APOBEC3F: variants seen among roughly 807,000 people sequenced by gnomAD.
APOBEC3F encodes the protein apolipoprotein B mRNA editing enzyme catalytic subunit 3F.
APOBEC3F carries 34 observed loss-of-function variants against 45.8 expected under a neutral mutation model. The ratio of observed to expected loss-of-function variants is 0.74; its 90% CI spans 0.57 to 0.99. The LOEUF (loss-of-function observed/expected upper bound fraction) is 0.99, where lower values mean the gene tolerates loss of function less well. Ranked by LOEUF, APOBEC3F falls within the 50% of genes least tolerant of loss-of-function variation. The pLI is 0.00. For synonymous variants in APOBEC3F, 192 were observed against 174.4 expected, an observed-to-expected ratio of 1.10 and a Z score of -0.80; for missense variants, 459 against 474.1, an observed-to-expected ratio of 0.97 and a Z score of 0.30.
Position 39,054,374 on chromosome 22 carries a change from T to C in APOBEC3F, c.*1679T>C, listed in dbSNP as rs948314838. ...AGCCTCCCAAGTAGCTGGGATTACA[T>C]GCGCGTGCCACCACGCCTAGCTAAT... On this transcript the variant is annotated 3_prime_UTR_variant, in exon 7 of 7. Transcript: ENST00000308521. Among the ~76,000 whole-genome samples, 1 of 152,122 alleles carries C rather than the reference T, an allele frequency of 6.6e-6. No homozygotes were observed. Among genetic ancestry groups the C allele is most frequent in the Non-Finnish European group, 1.5e-5 (1 of 68,016 alleles).
rs898680194 is a variant in APOBEC3F at position 39,055,826 on chromosome 22, G to T, written c.*3131G>T. Among the ~76,000 whole-genome samples, 1 of 151,962 alleles carries T rather than the reference G, an allele frequency of 6.6e-6. No homozygotes were observed. Among genetic ancestry groups the T allele is most frequent in the Non-Finnish European group, 1.5e-5 (1 of 68,014 alleles). ...GTAGCCCCCCAGTCACGTAGCCCACGCTTGCACAATCTATCACGACCCTTT... is the reference window on the plus strand; with the variant it reads ...GTAGCCCCCCAGTCACGTAGCCCACTCTTGCACAATCTATCACGACCCTTT... On this transcript the variant is annotated 3_prime_UTR_variant, in exon 7 of 7. Coordinates refer to ENST00000308521, the MANE Select transcript of APOBEC3F (RefSeq NM_145298.6).
chr22:39,048,104 A>C (rs1345865380), intron 4 of APOBEC3F, among the ~76,000 whole-genome samples: 2 of 152,240 alleles, frequency 1.3e-5, no homozygotes, highest in African/African-American at 4.8e-5. Flanking sequence ...CATGGAGTGT[A>C]GGAAAAAATA....
Position 39,052,006 on chromosome 22 carries a change from C to G in APOBEC3F, c.724-68C>G. The G allele has an allele frequency of 1.9e-6, 3 of 1,584,206 alleles. No individual in the cohort carries two copies. The East Asian group carries it at 6.7e-5, about 36-fold the overall frequency. On this transcript the variant is annotated intron_variant, in intron 5 of 6. Transcript: ENST00000308521. ...CTCCAGGCCCGCCCTCTGCTCCCAT[C>G]GCCCCACCCCTGCACTCCTCCTGCT...
Position 39,045,458 on chromosome 22 carries a change from ACAGTGAAGGT to A in APOBEC3F, c.486_495del (p.Glu163HisfsTer19). The A allele has an allele frequency of 6.2e-7, 1 of 1,614,124 alleles. No individual in the cohort carries two copies. The highest frequency in any genetic ancestry group is 8.5e-7 in the Non-Finnish European group (1 of 1,179,998). On this transcript the variant is annotated frameshift_variant, in exon 4 of 7. Transcript: ENST00000308521. LOFTEE classifies it high-confidence loss of function. ...GCATACTGCTGGGAAAACTTTGTGT[ACAGTGAAGGT>A]CAGCCATTCATGCCTTGGTACAAAT...
At chr22:39,050,018 T>A (rs1433299596) in intron 5 of APOBEC3F, among the ~76,000 whole-genome samples, 1 of 151,576 alleles carries the variant, frequency 6.6e-6, no homozygotes, top group Admixed American at 6.6e-5. Context: ...CCACATTTTT[T>A]AAGTCCGTGG....
intron 1 of APOBEC3F, 76 bp downstream of exon 1, chr22:39,041,053 T>A (rs1479656796): frequency 6.5e-6 from 10 of 1,549,442 alleles, no homozygotes; most frequent in Non-Finnish European, 6.1e-6. Context: ...GCGTCAGCCC[T>A]GGCCTCCCCC....
At chr22:39,046,345 C>T (rs907311610) in intron 4 of APOBEC3F, among the ~76,000 whole-genome samples, 1 of 152,150 alleles carries the variant, frequency 6.6e-6, no homozygotes. Context: ...GGGGAAGATA[C>T]AATTTAGTCC....
rs533044726 is a variant in APOBEC3F at position 39,043,882 on chromosome 22, C to T, written c.171+792C>T. On this transcript the variant is annotated intron_variant, in intron 2 of 6. Transcript: ENST00000308521. The stretch of plus-strand genomic sequence containing the variant: ...TAAAAATACAAAAAAAAAATTAGCC[C>T]GGTGTGGTGGCAGTCGCCTGTAATC... Among the ~76,000 whole-genome samples, 16 of 151,656 alleles carry T rather than the reference C, an allele frequency of 1.1e-4. No homozygotes were observed. The East Asian group carries it at 2.2e-3, about 20-fold the overall frequency.
At position 39,042,014 on chromosome 22, in the gene APOBEC3F, G is replaced by A. The variant is rs534816226; in HGVS notation, c.18-923G>A. On this transcript the variant is annotated intron_variant, in intron 1 of 6. Transcript: ENST00000308521. ...AGGCTGGTGACACAGAGACTGGACA[G>A]GGCTGGTCTGGTAAGAGGCCCCAGC... Among the ~76,000 whole-genome samples, 61 of 152,344 alleles carry A rather than the reference G, an allele frequency of 4.0e-4. 2 individuals carry two copies. The South Asian group carries it at 8.3e-3, about 21-fold the overall frequency.
At chr22:39,044,213 C>T (rs1601494700) in intron 2 of APOBEC3F, 3 of 1,608,030 alleles carry the variant, frequency 1.9e-6, no homozygotes, top group Non-Finnish European at 2.5e-6. Context: ...CAAGGCAGAC[C>T]CTAGAGGGCC....
rs1017231231 is a variant in APOBEC3F at position 39,055,286 on chromosome 22, G to C, written c.*2591G>C. 2.0e-5 allele frequency among the ~76,000 whole-genome samples: 3 copies of C among 151,810 alleles called. No homozygotes were observed. Among genetic ancestry groups the C allele is most frequent in the African/African-American group, 7.3e-5 (3 of 41,298 alleles). ...GGGGTTTCTCCATGTTGCTCAGGCT[G>C]GTCTTGAACTCATGAGCTCAGGCGA... is the stretch of plus-strand genomic sequence containing the variant. On this transcript the variant is annotated 3_prime_UTR_variant, in exon 7 of 7. Coordinates refer to ENST00000308521, the MANE Select transcript of APOBEC3F (RefSeq NM_145298.6).
chr22:39,041,395 T>C (rs1225018746), intron 1 of APOBEC3F, among the ~76,000 whole-genome samples: 2 of 152,202 alleles, frequency 1.3e-5, no homozygotes, highest in Non-Finnish European at 2.9e-5. Context: ...ACATTTACTT[T>C]GCTTAAATAG....
Position 39,052,924 on chromosome 22 carries a change from A to C in APOBEC3F, c.*229A>C. The C allele has an allele frequency of 2.0e-6, 2 of 997,242 alleles. No homozygotes were observed. The highest frequency in any genetic ancestry group is 3.1e-5 in the South Asian group (1 of 32,660). 61.8% of individuals were successfully genotyped at this position (997,242 alleles called of 1,614,324 possible). ...CATGGCTATCCATCCACCCACCAAG[A>C]CCCTGTTCCCTGAGCCTGCATGCCC... On this transcript the variant is annotated 3_prime_UTR_variant, in exon 7 of 7. Coordinates refer to ENST00000308521, the MANE Select transcript of APOBEC3F (RefSeq NM_145298.6).
intron 2 of APOBEC3F, chr22:39,044,119 C>A: frequency 6.4e-7 from 1 of 1,559,946 alleles, no homozygotes; most frequent in Non-Finnish European, 8.7e-7. Flanking sequence ...ATTTCAAGTG[C>A]TCAGTAGCCC....
Position 39,046,803 on chromosome 22 carries a change from A to G in APOBEC3F, c.566+1261A>G, listed in dbSNP as rs960050211. Among the ~76,000 whole-genome samples the G allele has an allele frequency of 3.9e-5, 6 of 151,932 alleles. No individual in the cohort carries two copies. In the South Asian group the frequency reaches 1.2e-3, roughly 32 times the overall value. Reference sequence around the variant, plus strand: ...GCTAATTTTTGTATTTTTAGTAGAGACGGGGTTTTGCAATGTTGGCCAGGT... The same window carrying G: ...GCTAATTTTTGTATTTTTAGTAGAGGCGGGGTTTTGCAATGTTGGCCAGGT... On this transcript the variant is annotated intron_variant, in intron 4 of 6. Transcript: ENST00000308521.
intron 5 of APOBEC3F, among the ~76,000 whole-genome samples, chr22:39,051,389 T>A (rs1386486766): frequency 6.6e-6 from 1 of 151,482 alleles, no homozygotes; most frequent in East Asian, 1.9e-4. Context: ...TACAAAAAAT[T>A]AGCCAGGCGT....
intron 4 of APOBEC3F, 66 bp downstream of exon 4, chr22:39,045,608 C>A: frequency 6.2e-7 from 1 of 1,608,218 alleles, no homozygotes; most frequent in Non-Finnish European, 8.5e-7. Flanking sequence ...CCTGAGGCCT[C>A]CCCTGGCCAG....
Position 39,055,176 on chromosome 22 carries a change from G to A in APOBEC3F, c.*2481G>A, listed in dbSNP as rs1054331327. On this transcript the variant is annotated 3_prime_UTR_variant, in exon 7 of 7. Coordinates refer to ENST00000308521, the MANE Select transcript of APOBEC3F (RefSeq NM_145298.6). ...CAACCTCTGCCTTCCGAGTTCAAGC[G>A]ATTCTCGTGCCTCAGCCTCCTGAGT... Among the ~76,000 whole-genome samples the A allele has an allele frequency of 1.3e-5, 2 of 150,598 alleles. No individual in the cohort carries two copies. Among genetic ancestry groups the A allele is most frequent in the African/African-American group, 2.5e-5 (1 of 40,764 alleles).
chr22:39,043,708 C>T (rs575838308), intron 2 of APOBEC3F, among the ~76,000 whole-genome samples: 1 of 152,020 alleles, frequency 6.6e-6, no homozygotes, highest in Admixed American at 6.5e-5. Context: ...TTTTGTCACA[C>T]TGAGTCTTTG....
Sources: allele counts gnomAD v4.1 joint callset (sites outside exome capture counted in the v4.1 genomes callset), GRCh38; gene constraint gnomAD v4.1.1; transcripts MANE v1.5; gene names NCBI Gene and HGNC (gene_info 2026-07-23, HGNC 2026-07-21).